NEGR1: variants seen among roughly 807,000 people sequenced by gnomAD.
The protein encoded by NEGR1 is neuronal growth regulator 1.
A neutral mutation model predicts 40.9 loss-of-function variants in NEGR1; 10 were observed. That is an observed-to-expected ratio of 0.24 (90% CI 0.15 to 0.42). NEGR1 has a LOEUF of 0.42. Ranked by LOEUF, NEGR1 falls within the 10% of genes least tolerant of loss-of-function variation. The pLI, the probability that NEGR1 is intolerant of heterozygous loss-of-function variation, is 1.00. For missense variants in NEGR1, 352 were observed against 438.9 expected, an observed-to-expected ratio of 0.80 and a Z score of 1.77; for synonymous variants, 185 against 166.8, an observed-to-expected ratio of 1.11 and a Z score of -0.84.
chr1:71,476,838 T>C (rs1646824654), intron 6 of NEGR1: 1 of 152,118 alleles, frequency 6.6e-6, no homozygotes, highest in East Asian at 1.9e-4. Context: ...TTCTTTTGGC[T>C]GATTTTAATG....
chr1:72,040,257 T>G (rs17097667), intron 1 of NEGR1, among the ~76,000 whole-genome samples: 3 of 151,792 alleles, frequency 2.0e-5, no homozygotes, highest in Admixed American at 2.0e-4. Context: ...TAGAGAACAA[T>G]ACAAGCCAGA....
chr1:71,931,889 T>C (rs542480502), intron 2 of NEGR1, among the ~76,000 whole-genome samples: 146 of 152,320 alleles, frequency 9.6e-4, no homozygotes, highest in Admixed American at 2.3e-3. Flanking sequence ...CTTTTATACT[T>C]ATAAACAAAG....
chr1:72,058,493 T>C (rs1033349417), intron 1 of NEGR1, among the ~76,000 whole-genome samples: 2 of 151,658 alleles, frequency 1.3e-5, no homozygotes, highest in African/African-American at 4.8e-5. Flanking sequence ...CAGTACATTT[T>C]GAAAATGGTG....
chr1:71,634,110 C>G (rs1651062923), intron 4 of NEGR1, among the ~76,000 whole-genome samples: 1 of 151,990 alleles, frequency 6.6e-6, no homozygotes, highest in Non-Finnish European at 1.5e-5. Context: ...CTGCTCTGAC[C>G]AAGAATGCAG....
At chr1:71,767,917 A>G (rs1462697989) in intron 3 of NEGR1, among the ~76,000 whole-genome samples, 3 of 152,242 alleles carry the variant, frequency 2.0e-5, no homozygotes, top group Non-Finnish European at 4.4e-5. Flanking sequence ...AGAGGCTGCA[A>G]GCCATAACCT....
At position 71,401,327 on chromosome 1, in the gene NEGR1, A is replaced by G. The variant is rs1646245302; in HGVS notation, c.*6119T>C. 1 of 152,116 alleles carries G rather than the reference A, an allele frequency of 6.6e-6. No homozygotes were observed. Among genetic ancestry groups the G allele is most frequent in the African/African-American group, 2.4e-5 (1 of 41,426 alleles). The allele number at this position is 152,116 out of a possible 1,614,324, so 9.4% of individuals were successfully genotyped here. A position where few individuals can be genotyped will look rare whatever the true frequency, so the allele number is the denominator to read the frequency against. On this transcript the variant is annotated 3_prime_UTR_variant, in exon 7 of 7. Coordinates refer to ENST00000357731, the MANE Select transcript of NEGR1 (RefSeq NM_173808.3). ...TAGTACATTAATTTCAAGGTTTTTG[A>G]TCTATAAATGTGTATGTTCTTTAAA...
At chr1:72,035,000 C>T (rs1646890033) in intron 1 of NEGR1, among the ~76,000 whole-genome samples, 1 of 152,044 alleles carries the variant, frequency 6.6e-6, no homozygotes, top group Non-Finnish European at 1.5e-5. Flanking sequence ...TCATGGCAGC[C>T]TCCAGGGAAA....
chr1:71,540,107 T>C (rs1379236480), intron 6 of NEGR1, among the ~76,000 whole-genome samples: 1 of 150,718 alleles, frequency 6.6e-6, no homozygotes, highest in South Asian at 2.1e-4. Context: ...TACAGCACTC[T>C]GAGGCTAAAG....
In NEGR1 at chr1:71,635,144, A is replaced by G. The variant is rs533554061; in HGVS notation, c.668-23998T>C. The stretch of plus-strand genomic sequence containing the variant: ...AGGGGAACACAGGATAATGGAACCC[A>G]AAAGACAAGTATATATTGGAAGAAA... On this transcript the variant is annotated intron_variant, in intron 4 of 6. Coordinates refer to ENST00000357731, the MANE Select transcript of NEGR1 (RefSeq NM_173808.3). 3.9e-5 allele frequency among the ~76,000 whole-genome samples: 6 copies of G among 152,110 alleles called. No homozygotes were observed. In the East Asian group the frequency reaches 1.2e-3, roughly 30 times the overall value.
At chr1:71,643,548 C>T (rs944081001) in intron 4 of NEGR1, among the ~76,000 whole-genome samples, 2 of 151,914 alleles carry the variant, frequency 1.3e-5, no homozygotes, top group African/African-American at 4.8e-5. Context: ...TTCCAAGACC[C>T]ACTCTTAGGA....
intron 2 of NEGR1, among the ~76,000 whole-genome samples, chr1:71,917,450 T>C (rs1661614903): frequency 1.3e-5 from 2 of 152,188 alleles, no homozygotes; most frequent in South Asian, 4.1e-4. Context: ...TCTTTCTCTT[T>C]GATCTTGATA....
intron 1 of NEGR1, among the ~76,000 whole-genome samples, chr1:72,021,699 G>A (rs1017908878): frequency 6.6e-6 from 1 of 152,076 alleles, no homozygotes; most frequent in Non-Finnish European, 1.5e-5. Flanking sequence ...AGTGGAAGGA[G>A]AACATTGAAA....
chr1:71,631,988 T>C (rs547673910), intron 4 of NEGR1, among the ~76,000 whole-genome samples: 9 of 151,718 alleles, frequency 5.9e-5, no homozygotes, highest in Non-Finnish European at 1.3e-4. Context: ...CCTGCCTCTG[T>C]AATACAGGAA....
intron 2 of NEGR1, among the ~76,000 whole-genome samples, chr1:71,782,676 T>G (rs1656759086): frequency 6.6e-6 from 1 of 152,182 alleles, no homozygotes; most frequent in African/African-American, 2.4e-5. Context: ...AAGCTAATAC[T>G]TCTTTGATGT....
At chr1:72,235,202 A>G (rs1654507629) in intron 1 of NEGR1, among the ~76,000 whole-genome samples, 1 of 152,156 alleles carries the variant, frequency 6.6e-6, no homozygotes, top group Non-Finnish European at 1.5e-5. Context: ...AAGACAGAAG[A>G]TTGTGAGTTA....
chr1:71,961,912 T>C (rs940367524), intron 1 of NEGR1, among the ~76,000 whole-genome samples: 71 of 152,182 alleles, frequency 4.7e-4, no homozygotes, highest in African/African-American at 1.7e-3. Flanking sequence ...GCTCCATTTG[T>C]TTTCCCTTTT....
intron 1 of NEGR1, among the ~76,000 whole-genome samples, chr1:71,940,076 T>G (rs993706935): frequency 9.2e-5 from 14 of 151,796 alleles, no homozygotes; most frequent in Non-Finnish European, 1.9e-4. Flanking sequence ...TAAGGGGGAG[T>G]TCAGTGAAGT....
intron 1 of NEGR1, among the ~76,000 whole-genome samples, chr1:72,124,159 TAAGAAAATAAGAGTATTTCC>T: frequency 6.6e-6 from 1 of 151,980 alleles, no homozygotes; most frequent in East Asian, 1.9e-4. Context: ...ACTAAGAAAG[TAAGAAAATAAGAGTATTTCC>T]AAGCCATCAC....
chr1:72,141,710 A>T (rs1340315450), intron 1 of NEGR1, among the ~76,000 whole-genome samples: 1 of 152,030 alleles, frequency 6.6e-6, no homozygotes, highest in Admixed American at 6.6e-5. Context: ...CTCTATGATA[A>T]AATATACAGG....
Sources: allele counts gnomAD v4.1 joint callset (sites outside exome capture counted in the v4.1 genomes callset), GRCh38; gene constraint gnomAD v4.1.1; transcripts MANE v1.5; gene names NCBI Gene and HGNC (gene_info 2026-07-23, HGNC 2026-07-21).